The following STXBP5 variants were observed in gnomAD, a reference collection of about 807,000 sequenced individuals.
The protein encoded by STXBP5 is syntaxin binding protein 5, also known as syntaxin-binding protein 5.
In STXBP5, 50 loss-of-function variants were observed where a neutral mutation model predicts 152.4. That is an observed-to-expected ratio of 0.33 (90% CI 0.26 to 0.42). The LOEUF (loss-of-function observed/expected upper bound fraction) is 0.42. STXBP5 is among the 10% of genes least tolerant of loss of function. The pLI is 1.00. For missense variants in STXBP5, 1,167 were observed against 1,388.6 expected (o/e 0.84, Z 2.54); for synonymous variants, 492 against 494.7 (o/e 0.99, Z 0.07).
chr6:147,372,529 G>A (rs1785609455), intron 25 of STXBP5, among the ~76,000 whole-genome samples: 1 of 138,634 alleles, frequency 7.2e-6, no homozygotes, highest in Non-Finnish European at 1.5e-5. Flanking sequence ...CCGCCTCCCG[G>A]GTTCAAGCTA....
At chr6:147,229,935 A>G (rs1309163805) in intron 2 of STXBP5, among the ~76,000 whole-genome samples, 1 of 151,682 alleles carries the variant, frequency 6.6e-6, no homozygotes, top group African/African-American at 2.4e-5. Context: ...CTTTTTCCCC[A>G]TCTTAGTGGG....
intron 2 of STXBP5, among the ~76,000 whole-genome samples, chr6:147,232,656 T>C (rs1470026298): frequency 6.6e-6 from 1 of 151,788 alleles, no homozygotes; most frequent in Non-Finnish European, 1.5e-5. Flanking sequence ...ACATGAATAA[T>C]AACTACCTTT....
intron 4 of STXBP5, among the ~76,000 whole-genome samples, chr6:147,246,873 A>C (rs1778835695): frequency 6.6e-6 from 1 of 152,152 alleles, no homozygotes; most frequent in African/African-American, 2.4e-5. Flanking sequence ...CAGCGAGGGG[A>C]GATTTGGTGC....
Position 147,298,255 on chromosome 6 carries a change from AT to A in STXBP5, c.917+7085del, listed in dbSNP as rs138427814. On this transcript the variant is annotated intron_variant, in intron 9 of 27. Coordinates refer to ENST00000321680, the MANE Select transcript of STXBP5 (RefSeq NM_001127715.4). Reference sequence around the variant, plus strand: ...ACTGTAAAAAATGACCAAAAAAGTCATTATGTAACAATGAAGGGATCAATTT... The same window carrying A: ...ACTGTAAAAAATGACCAAAAAAGTCATATGTAACAATGAAGGGATCAATTT... 7.2e-3 allele frequency among the ~76,000 whole-genome samples: 1,102 copies of A among 152,190 alleles called. 16 individuals are homozygous for A. Among genetic ancestry groups the A allele is most frequent in the African/African-American group, 0.025 (1,057 of 41,554 alleles).
At chr6:147,296,442 C>A (rs1781530485) in intron 9 of STXBP5, among the ~76,000 whole-genome samples, 1 of 152,096 alleles carries the variant, frequency 6.6e-6, no homozygotes, top group Non-Finnish European at 1.5e-5. Flanking sequence ...CCAAAGCCAA[C>A]ACACCCTACC....
chr6:147,384,032 G>C (rs146248717), intron 27 of STXBP5, among the ~76,000 whole-genome samples: 2 of 151,924 alleles, frequency 1.3e-5, no homozygotes, highest in African/African-American at 4.8e-5. Flanking sequence ...AGTCAATTTC[G>C]GAATATATTC....
At chr6:147,271,869 C>T (rs1040998140) in intron 7 of STXBP5, among the ~76,000 whole-genome samples, 1 of 151,700 alleles carries the variant, frequency 6.6e-6, no homozygotes, top group African/African-American at 2.4e-5. Context: ...AATTGATAAA[C>T]ATATAGTCAG....
intron 2 of STXBP5, among the ~76,000 whole-genome samples, chr6:147,224,511 C>T (rs148504427): frequency 1.1e-3 from 175 of 152,328 alleles, no homozygotes; most frequent in Admixed American, 3.7e-3. Flanking sequence ...GATCCTCACA[C>T]TGATCAGGTT....
intron 8 of STXBP5, among the ~76,000 whole-genome samples, chr6:147,283,295 G>T (rs373652544): frequency 8.5e-5 from 13 of 152,312 alleles, no homozygotes; most frequent in Admixed American, 7.2e-4. Flanking sequence ...AGGATGAGAC[G>T]TGTAAAGAAT....
intron 4 of STXBP5, among the ~76,000 whole-genome samples, chr6:147,259,746 A>C (rs1481278184): frequency 6.6e-6 from 1 of 151,916 alleles, no homozygotes; most frequent in African/African-American, 2.4e-5. Flanking sequence ...GGTCTGTAGG[A>C]AAAAAAATAA....
chr6:147,233,705 A>G (rs1218090115), intron 2 of STXBP5, among the ~76,000 whole-genome samples: 2 of 151,620 alleles, frequency 1.3e-5, no homozygotes, highest in Non-Finnish European at 3.0e-5. Context: ...AAATGGGTGA[A>G]CGGAGATACA....
At chr6:147,205,624 A>G (rs1364932677) in intron 1 of STXBP5, among the ~76,000 whole-genome samples, 2 of 152,188 alleles carry the variant, frequency 1.3e-5, no homozygotes, top group African/African-American at 4.8e-5. Context: ...TAAAGTATGA[A>G]TTGCATTTAA....
intron 25 of STXBP5, among the ~76,000 whole-genome samples, chr6:147,372,407 CTTTTTTTTTTTTTTTTTTTTTTTTTTTTT>C (rs869251731): frequency 1.3e-4 from 10 of 74,804 alleles, no homozygotes; most frequent in Non-Finnish European, 2.1e-4. Flanking sequence ...CGTCCTTTTC[CTTTTTTTTTTTTTTTTTTTTTTTTTTTTT>C]TTTTTTTTTT....
At chr6:147,313,212 T>C (rs1582928747) in intron 11 of STXBP5, among the ~76,000 whole-genome samples, 1 of 152,202 alleles carries the variant, frequency 6.6e-6, no homozygotes, top group Non-Finnish European at 1.5e-5. Flanking sequence ...TTAGCCACTT[T>C]GCACTTTTTA....
At chr6:147,223,651 T>A (rs562741522) in intron 2 of STXBP5, among the ~76,000 whole-genome samples, 1 of 152,196 alleles carries the variant, frequency 6.6e-6, no homozygotes, top group African/African-American at 2.4e-5. Context: ...AAAACCAAAA[T>A]GTACAAACAA....
At chr6:147,298,272 G>A (rs908782499) in intron 9 of STXBP5, among the ~76,000 whole-genome samples, 1 of 151,806 alleles carries the variant, frequency 6.6e-6, no homozygotes, top group Non-Finnish European at 1.5e-5. Context: ...AACAATGAAG[G>A]GATCAATTTA....
intron 4 of STXBP5, among the ~76,000 whole-genome samples, chr6:147,252,999 C>T (rs1779175680): frequency 6.6e-6 from 1 of 152,146 alleles, no homozygotes; most frequent in African/African-American, 2.4e-5. Context: ...CTTTCAGAGA[C>T]ACAACAAAAA....
chr6:147,296,796 T>C lies in STXBP5; in HGVS notation c.917+5624T>C, dbSNP rs1781548018. Among the ~76,000 whole-genome samples, 3 of 152,090 alleles carry C rather than the reference T, an allele frequency of 2.0e-5. No individual in the cohort carries two copies. In the South Asian group the frequency reaches 6.2e-4, roughly 31 times the overall value. ...CATTTTTGGAAAGTGCAAACAGAAATCTTGGAACTGAAGAACTTAAATGAA... is the reference window on the plus strand; with the variant it reads ...CATTTTTGGAAAGTGCAAACAGAAACCTTGGAACTGAAGAACTTAAATGAA... On this transcript the variant is annotated intron_variant, in intron 9 of 27. Transcript: ENST00000321680.
At chr6:147,258,438 T>C (rs1241348315) in intron 4 of STXBP5, among the ~76,000 whole-genome samples, 1 of 152,134 alleles carries the variant, frequency 6.6e-6, no homozygotes, top group East Asian at 1.9e-4. Flanking sequence ...TTGTTTTTTG[T>C]TTTTTGTTTT....
Sources: allele counts gnomAD v4.1 joint callset (sites outside exome capture counted in the v4.1 genomes callset), GRCh38; gene constraint gnomAD v4.1.1; transcripts MANE v1.5; gene names NCBI Gene and HGNC (gene_info 2026-07-23, HGNC 2026-07-21).